Variants in GFM1 observed in about 807,000 individuals in gnomAD.
GFM1 encodes G elongation factor mitochondrial 1, also known as elongation factor G, mitochondrial.
GFM1 carries 62 observed loss-of-function variants against 96.2 expected under a neutral mutation model. The ratio of observed to expected loss-of-function variants is 0.64; its 90% CI spans 0.53 to 0.80. The LOEUF (loss-of-function observed/expected upper bound fraction) is 0.80, where lower values mean the gene tolerates loss of function less well. GFM1 is among the 30% of genes least tolerant of loss of function. The pLI, the probability that GFM1 is intolerant of heterozygous loss-of-function variation, is 0.00. For missense variants in GFM1, 852 were observed against 916.6 expected (o/e 0.93, Z 0.91); for synonymous variants, 282 against 312.9 (o/e 0.90, Z 1.04).
Position 158,690,271 on chromosome 3 carries a change from G to A in GFM1, c.2018G>A (p.Gly673Glu). The stretch of plus-strand genomic sequence containing the variant: ...ATTGCAGGAATTAACCGACGCCATG[G>A]GGTAATCACTGGGCAAGATGGAGTT... Reference protein sequence around the residue: ...QVIAGINRRHGVITGQDGVED... With the variant: ...QVIAGINRRHEVITGQDGVED... The change falls in exon 16 of 18, where the codon GGG becomes GAG. Residue 673 changes from glycine (G) to glutamate (E), a missense_variant. Coordinates refer to ENST00000486715, the MANE Select transcript of GFM1 (RefSeq NM_024996.7). 1 of 1,613,960 alleles carries A rather than the reference G, an allele frequency of 6.2e-7. No individual in the cohort carries two copies. The highest frequency in any genetic ancestry group is 1.1e-5 in the South Asian group (1 of 91,082).
In GFM1 at chr3:158,652,220, A is replaced by G. The variant is rs1722356227; in HGVS notation, c.814A>G (p.Lys272Glu). 1.9e-6 allele frequency: 3 copies of G among 1,614,090 alleles called. No individual in the cohort carries two copies. The highest frequency in any genetic ancestry group is 2.7e-5 in the African/African-American group (2 of 74,938). The change falls in exon 6 of 18, where the codon AAA (lysine) becomes GAA (glutamate). Residue 272 changes from lysine to glutamate, a missense_variant. By Grantham distance (56) the Lys-to-Glu change is moderately conservative. Coordinates refer to ENST00000486715, the MANE Select transcript of GFM1 (RefSeq NM_024996.7). The stretch of plus-strand genomic sequence containing the variant: ...GCTTGGTGAGATGTTTCTGGAAGAA[A>G]AAATCCCCTCGATTTCTGATTTAAA... ...EQLGEMFLEE[K>E]IPSISDLKLA...
intron 16 of GFM1, 38 bp from the exon 17 acceptor site, chr3:158,691,101 A>G (rs773773300): frequency 2.2e-6 from 3 of 1,394,922 alleles, no homozygotes; most frequent in African/African-American, 1.4e-5. Context: ...ATATTTTCCA[A>G]TAAGCAGTGC....
In GFM1 at chr3:158,652,233, T is replaced by G; in HGVS notation, c.827T>G (p.Ile276Ser). ...EMFLEEKIPS[I>S]SDLKLAIRRA... ...TTTCTGGAAGAAAAAATCCCCTCGA[T>G]TTCTGATTTAAAGGCAAGTGCTTTC... Residue 276 changes from isoleucine to serine, a missense_variant, in exon 6 of 18, where the codon ATT becomes AGT. Transcript: ENST00000486715. The G allele has an allele frequency of 6.2e-7, 1 of 1,614,154 alleles. No individual in the cohort carries two copies. Among genetic ancestry groups the G allele is most frequent in the Non-Finnish European group, 8.5e-7 (1 of 1,180,002 alleles).
intron 8 of GFM1, chr3:158,657,570 T>A (rs189296765): frequency 4.7e-4 from 71 of 152,312 alleles, no homozygotes; most frequent in African/African-American, 1.7e-3. Flanking sequence ...TTCTGTTTAG[T>A]CATTCATTAA....
At chr3:158,669,488 T>C (rs772926060) in intron 13 of GFM1, 1 of 1,613,944 alleles carries the variant, frequency 6.2e-7, no homozygotes, top group Middle Eastern at 1.7e-4. Flanking sequence ...TTTGATAAAA[T>C]GTGTTGTCTT....
rs564369740 is a variant in GFM1, at chr3:158,669,614, T to C, written c.1601+3228T>C. 5 of 1,612,782 alleles carry C rather than the reference T, an allele frequency of 3.1e-6. No individual in the cohort carries two copies. The South Asian group carries it at 5.5e-5, about 18-fold the overall frequency. On this transcript the variant is annotated intron_variant, in intron 13 of 17. Transcript: ENST00000486715. ...CTGTGCAGTTCACCTTAACTTGCTGTTTGAAATTTAGCAAAATATCCTTAT... is the reference window on the plus strand; with the variant it reads ...CTGTGCAGTTCACCTTAACTTGCTGCTTGAAATTTAGCAAAATATCCTTAT...
intron 8 of GFM1, chr3:158,656,020 G>A (rs1021856297): frequency 3.2e-5 from 14 of 431,048 alleles, no homozygotes; most frequent in African/African-American, 2.7e-4. Context: ...ATTATTTGAT[G>A]CTTTTCACAT....
chr3:158,690,371 G>A (rs1401097174), intron 16 of GFM1, 48 bp downstream of exon 16: 1 of 1,568,898 alleles, frequency 6.4e-7, no homozygotes, highest in African/African-American at 1.4e-5. Context: ...AACCATAGAA[G>A]GAAATCCAGG....
intron 9 of GFM1, among the ~76,000 whole-genome samples, chr3:158,659,501 C>T (rs937912871): frequency 6.6e-6 from 1 of 152,156 alleles, no homozygotes; most frequent in Non-Finnish European, 1.5e-5. Context: ...CCCTGTTTAA[C>T]CCTAGAGCTT....
chr3:158,651,575 A>G (rs1366820848), intron 5 of GFM1, among the ~76,000 whole-genome samples: 1 of 152,242 alleles, frequency 6.6e-6, no homozygotes, highest in African/African-American at 2.4e-5. Flanking sequence ...GGATGCTGTT[A>G]TTACTTTGCA....
chr3:158,690,443 G>T, intron 16 of GFM1, 120 bp downstream of exon 16: 2 of 935,726 alleles, frequency 2.1e-6, no homozygotes, highest in South Asian at 2.7e-5. Context: ...TATACATGTG[G>T]CATTTTCTGT....
Position 158,682,391 on chromosome 3 carries a change from T to A in GFM1, c.1764+234T>A. ...AAATTATTATGTTTCTGAATCATAG[T>A]TATATTTTTCTTAATAAATTGAAAC... On this transcript the variant is annotated intron_variant, in intron 14 of 17. Transcript: ENST00000486715. 6.1e-6 allele frequency: 3 copies of A among 491,092 alleles called. No individual in the cohort carries two copies. The South Asian group carries it at 7.2e-5, about 12-fold the overall frequency. The allele number at this position is 491,092 out of a possible 1,614,324, so 30.4% of individuals were successfully genotyped here. A position where few individuals can be genotyped will look rare whatever the true frequency, so the allele number is the denominator to read the frequency against.
Position 158,646,219 on chromosome 3 carries a change from CAA to C in GFM1, c.291_292del (p.Gly99AsnfsTer18), listed in dbSNP as rs752400894. 3.1e-6 allele frequency: 5 copies of C among 1,613,612 alleles called. No homozygotes were observed. The highest frequency in any genetic ancestry group is 2.5e-6 in the Non-Finnish European group (3 of 1,179,644). On this transcript the variant is annotated frameshift_variant, in exon 3 of 18. Transcript: ENST00000486715. LOFTEE classifies it high-confidence loss of function. The stretch of plus-strand genomic sequence containing the variant: ...CATGGATTCCATGGAACTAGAGAGA[CAA>C]AGAGGAATCACTATTCAGTCAGCAG... Reference protein sequence around the residue: ...AVMDSMELERQRGITIQSAAT... With the variant: ...AVMDSMELERXRGITIQSAAT...
At position 158,665,402 on chromosome 3, in the gene GFM1, A is replaced by G. The variant is rs781452812; in HGVS notation, c.1446A>G (p.Val482=). Residue 482 remains valine, a synonymous_variant, in exon 12 of 18, where the codon GTA becomes GTG. Coordinates refer to ENST00000486715, the MANE Select transcript of GFM1 (RefSeq NM_024996.7). ...CAAGAGAAGATCCCACATTTAAAGT[A>G]TACTTTGACACTGAGAACAAAGAGA... ...RFTREDPTFK[V]YFDTENKETV... is the part of the protein sequence containing the mutation. The G allele has an allele frequency of 1.2e-6, 2 of 1,609,436 alleles. No individual in the cohort carries two copies. The highest frequency in any genetic ancestry group is 1.7e-6 in the Non-Finnish European group (2 of 1,176,154).
Position 158,646,196 on chromosome 3 carries a change from T to G in GFM1, c.266T>G (p.Met89Arg). Residue 89 changes from methionine to arginine, a missense_variant, in exon 3 of 18, where the codon ATG becomes AGG. Coordinates refer to ENST00000486715, the MANE Select transcript of GFM1 (RefSeq NM_024996.7). The part of the protein sequence containing the change: ...VKGKDGVGAV[M>R]DSMELERQRG... Reference sequence around the variant, plus strand: ...GGTAAAGATGGAGTTGGTGCTGTCATGGATTCCATGGAACTAGAGAGACAA... The same window carrying G: ...GGTAAAGATGGAGTTGGTGCTGTCAGGGATTCCATGGAACTAGAGAGACAA... The G allele has an allele frequency of 6.2e-7, 1 of 1,614,134 alleles. No homozygotes were observed. Among genetic ancestry groups the G allele is most frequent in the Non-Finnish European group, 8.5e-7 (1 of 1,179,944 alleles).
intron 13 of GFM1, among the ~76,000 whole-genome samples, chr3:158,671,439 G>GGCAATT (rs1372062282): frequency 1.3e-5 from 2 of 152,116 alleles, no homozygotes; most frequent in African/African-American, 4.8e-5. Context: ...TTCATTTTGA[G>GGCAATT]GCAGATTACT....
rs748969531 is a variant in GFM1 at position 158,658,948 on chromosome 3, T to C, written c.1110T>C (p.Tyr370=). The change falls in exon 9 of 18, where the codon TAT becomes TAC. Residue 370 remains tyrosine (Y), a synonymous_variant. Transcript: ENST00000486715. ...LEVGRFGQLT[Y]VRSYQGELKK... ...TAGGTCGATTTGGACAATTAACTTA[T>C]GTTCGCAGTTATCAGGGAGAGCTAA... 9.5e-5 allele frequency: 154 copies of C among 1,614,098 alleles called. No individual in the cohort carries two copies. Among genetic ancestry groups the C allele is most frequent in the Non-Finnish European group, 1.2e-4 (139 of 1,180,050 alleles).
intron 14 of GFM1, 120 bp from the exon 15 acceptor site, chr3:158,684,403 AG>A: frequency 2.2e-6 from 2 of 911,982 alleles, no homozygotes; most frequent in South Asian, 3.0e-5. Flanking sequence ...ATTATTTTTG[AG>A]GGGTGAAATA....
intron 13 of GFM1, chr3:158,669,451 C>T (rs1422781495): frequency 1.1e-5 from 18 of 1,612,546 alleles, no homozygotes; most frequent in Non-Finnish European, 1.4e-5. Context: ...TTTTGTGCTT[C>T]TAGCGGTTCC....
Sources: allele counts gnomAD v4.1 joint callset (sites outside exome capture counted in the v4.1 genomes callset), GRCh38; gene constraint gnomAD v4.1.1; transcripts MANE v1.5; gene names NCBI Gene and HGNC (gene_info 2026-07-23, HGNC 2026-07-21).